FRMD6: variants seen among roughly 807,000 people sequenced by gnomAD.
FRMD6 encodes the protein FERM domain-containing protein 6.
FRMD6 carries 37 observed loss-of-function variants against 73.2 expected under a neutral mutation model. The observed-to-expected ratio is 0.51, with a 90% confidence interval of 0.39 to 0.66. The LOEUF is 0.66. Ranked by LOEUF, FRMD6 falls within the 30% of genes least tolerant of loss-of-function variation. The pLI is 0.00. For missense variants in FRMD6, 714 were observed against 780.5 expected (o/e 0.91, Z 1.02); for synonymous variants, 273 against 282.2 (o/e 0.97, Z 0.33).
intron 1 of FRMD6, among the ~76,000 whole-genome samples, chr14:51,520,157 G>A (rs889177680): frequency 6.6e-6 from 1 of 152,006 alleles, no homozygotes; most frequent in African/African-American, 2.4e-5. Context: ...TTTAAAAATG[G>A]GCAAAAGACT....
chr14:51,625,646 T>A (rs574350957), intron 2 of FRMD6, among the ~76,000 whole-genome samples: 1 of 152,268 alleles, frequency 6.6e-6, no homozygotes, highest in East Asian at 1.9e-4. Flanking sequence ...ACAAACCCCA[T>A]CATTCTAACC....
intron 1 of FRMD6, among the ~76,000 whole-genome samples, chr14:51,657,174 C>T (rs1224794761): frequency 6.6e-6 from 1 of 151,920 alleles, no homozygotes; most frequent in Non-Finnish European, 1.5e-5. Flanking sequence ...AATTTTCTCC[C>T]CACAGGTAGT....
intron 1 of FRMD6, among the ~76,000 whole-genome samples, chr14:51,562,497 G>A (rs555055114): frequency 1.3e-5 from 2 of 152,322 alleles, no homozygotes; most frequent in African/African-American, 2.4e-5. Flanking sequence ...GAATGAGTAC[G>A]AGTGGGAAGT....
At chr14:51,478,484 A>C in the FRMD6 span, among the ~76,000 whole-genome samples, 1 of 152,248 alleles carries the variant, frequency 6.6e-6, no homozygotes, top group Non-Finnish European at 1.5e-5. Context: ...TCAGGAATTC[A>C]TGAATTCCAA....
intron 1 of FRMD6, among the ~76,000 whole-genome samples, chr14:51,492,845 G>C (rs1239409329): frequency 6.6e-6 from 1 of 152,202 alleles, no homozygotes; most frequent in Admixed American, 6.5e-5. Context: ...TTCAGTACTA[G>C]GTGTGATGGA....
At chr14:51,699,579 G>C (rs928989848) in intron 3 of FRMD6, among the ~76,000 whole-genome samples, 1 of 151,942 alleles carries the variant, frequency 6.6e-6, no homozygotes, top group Non-Finnish European at 1.5e-5. Flanking sequence ...TTCTAATTCC[G>C]GTTGCACCCC....
chr14:51,668,489 A>G (rs1286909839), intron 1 of FRMD6, among the ~76,000 whole-genome samples: 3 of 151,754 alleles, frequency 2.0e-5, no homozygotes, highest in Non-Finnish European at 2.9e-5. Context: ...TATTTTTAGT[A>G]GAGACAGAGT....
chr14:51,673,254 G>A (rs1035743019), intron 1 of FRMD6, among the ~76,000 whole-genome samples: 6 of 151,982 alleles, frequency 3.9e-5, no homozygotes, highest in African/African-American at 1.2e-4. Flanking sequence ...TCTTTCCTCT[G>A]CCTTGTGGAG....
chr14:51,443,726 A>C, the FRMD6 span, among the ~76,000 whole-genome samples: 1 of 152,120 alleles, frequency 6.6e-6, no homozygotes, highest in African/African-American at 2.4e-5. Flanking sequence ...AATCGTACAA[A>C]AGATCTCTCT....
the FRMD6 span, among the ~76,000 whole-genome samples, chr14:51,444,163 A>G: frequency 6.6e-6 from 1 of 152,216 alleles, no homozygotes; most frequent in Non-Finnish European, 1.5e-5. Flanking sequence ...TCCTGACCTT[A>G]GGTGATCCAC....
intron 2 of FRMD6, chr14:51,584,284 C>T (rs1231170868): frequency 6.6e-6 from 1 of 152,164 alleles, no homozygotes; most frequent in East Asian, 1.9e-4. Context: ...TTGGTTGAGC[C>T]TGGAAGGGAG....
the FRMD6 span, among the ~76,000 whole-genome samples, chr14:51,463,919 A>G: frequency 8.5e-4 from 130 of 152,278 alleles, no homozygotes; most frequent in Admixed American, 1.0e-3. Context: ...CTGAGCTCAG[A>G]TAATTCTCCC....
chr14:51,697,334 T>A (rs1896015294), intron 2 of FRMD6, among the ~76,000 whole-genome samples: 1 of 152,084 alleles, frequency 6.6e-6, no homozygotes, highest in African/African-American at 2.4e-5. Flanking sequence ...AATTCAGCCT[T>A]TAAAAAGAAG....
chr14:51,674,115 A>G (rs1409193128), intron 1 of FRMD6, among the ~76,000 whole-genome samples: 1 of 152,188 alleles, frequency 6.6e-6, no homozygotes, highest in Non-Finnish European at 1.5e-5. Flanking sequence ...TCTCCTGGTT[A>G]TTGAAACTTG....
chr14:51,493,334 G>C (rs1311545359), intron 1 of FRMD6, among the ~76,000 whole-genome samples: 1 of 152,144 alleles, frequency 6.6e-6, no homozygotes. Flanking sequence ...CCCAAATCTT[G>C]AATTGTAGCT....
Position 51,723,471 on chromosome 14 carries a change from A to G in FRMD6, c.1492+1391A>G, listed in dbSNP as rs538804076. ...TATAAAAAAAGTTTGTTGAAATGTT[A>G]TAAAAATAATTAAAGAATGAGTGGT... On this transcript the variant is annotated intron_variant, in intron 12 of 13. Coordinates refer to ENST00000344768, the MANE Select transcript of FRMD6 (RefSeq NM_001267046.2). 4.6e-5 allele frequency among the ~76,000 whole-genome samples: 7 copies of G among 152,294 alleles called. No homozygotes were observed. In the East Asian group the frequency reaches 1.3e-3, roughly 29 times the overall value.
intron 1 of FRMD6, among the ~76,000 whole-genome samples, chr14:51,494,525 C>T (rs1183354156): frequency 6.6e-6 from 1 of 152,224 alleles, no homozygotes; most frequent in Non-Finnish European, 1.5e-5. Context: ...CTTCTGGATC[C>T]ACTGGAGTGG....
rs900206162 is a variant in FRMD6, at chr14:51,502,443, C to T, written c.-210+13023C>T. On this transcript the variant is annotated intron_variant, in intron 1 of 14. Coordinates refer to the FRMD6 transcript ENST00000356218. ...GCTAGCCAGCTCTCCCAGCACCATT[C>T]ATTAAATAGGGAGTCTTTTCCCCAT... 5.9e-5 allele frequency among the ~76,000 whole-genome samples: 9 copies of T among 152,204 alleles called. No individual in the cohort carries two copies. The East Asian group carries it at 1.7e-3, about 29-fold the overall frequency.
At chr14:51,698,794 G>A (rs1275547785) in intron 3 of FRMD6, among the ~76,000 whole-genome samples, 1 of 151,956 alleles carries the variant, frequency 6.6e-6, no homozygotes, top group Non-Finnish European at 1.5e-5. Flanking sequence ...AGATTTTTAA[G>A]TAAAGGACTT....
Sources: gnomAD v4.1 joint callset for allele counts (sites outside exome capture counted in the v4.1 genomes callset) on GRCh38, gnomAD v4.1.1 for gene constraint, MANE v1.5 for transcripts, NCBI Gene and HGNC (gene_info 2026-07-23, HGNC 2026-07-21) for gene names.